Variants in CXADR observed in about 807,000 individuals in gnomAD.
The protein encoded by CXADR is coxsackievirus and adenovirus receptor.
Under a neutral mutation model 40.3 loss-of-function variants are expected in CXADR, and 20 were observed. The ratio of observed to expected loss-of-function variants is 0.50; its 90% CI spans 0.35 to 0.72. The LOEUF is 0.72. Ranked by LOEUF, CXADR falls within the 30% of genes least tolerant of loss-of-function variation. CXADR has a pLI of 0.01. For missense variants in CXADR, 332 were observed against 449.1 expected, an observed-to-expected ratio of 0.74 and a Z score of 2.36; for synonymous variants, 150 against 161.3, an observed-to-expected ratio of 0.93 and a Z score of 0.53.
chr21:17,535,201 C>G (rs914668200), intron 1 of CXADR, among the ~76,000 whole-genome samples: 1 of 152,138 alleles, frequency 6.6e-6, no homozygotes, highest in Non-Finnish European at 1.5e-5. Context: ...AGTCATGGCT[C>G]GTTGCAGCCT....
chr21:17,536,782 TG>T (rs2060764265), intron 1 of CXADR, among the ~76,000 whole-genome samples: 1 of 152,016 alleles, frequency 6.6e-6, no homozygotes, highest in Non-Finnish European at 1.5e-5. Flanking sequence ...TTTGAGACAG[TG>T]TCTCACTCTG....
At chr21:17,518,384 A>G in intron 1 of CXADR, 1 of 460,396 alleles carries the variant, frequency 2.2e-6, no homozygotes, top group Non-Finnish European at 4.0e-6. Context: ...AATGACAGAA[A>G]AATGCTGAAC....
intron 1 of CXADR, among the ~76,000 whole-genome samples, chr21:17,536,022 C>T (rs1350035564): frequency 1.3e-5 from 2 of 152,072 alleles, no homozygotes; most frequent in Admixed American, 1.3e-4. Flanking sequence ...ATAAAGAAAA[C>T]TCCTGTTTTT....
chr21:17,586,401 G>GTATATATA (rs71189554), intron 7 of CXADR, among the ~76,000 whole-genome samples: 13 of 145,384 alleles, frequency 8.9e-5, no homozygotes, highest in Admixed American at 2.8e-4. Context: ...TATATAATGT[G>GTATATATA]TATATATATA....
At chr21:17,543,566 T>A (rs2060856812) in intron 1 of CXADR, among the ~76,000 whole-genome samples, 1 of 152,212 alleles carries the variant, frequency 6.6e-6, no homozygotes, top group Non-Finnish European at 1.5e-5. Context: ...ATTTGAACTA[T>A]TTCTTGGTTT....
At chr21:17,535,707 A>G (rs1187293445) in intron 1 of CXADR, among the ~76,000 whole-genome samples, 3 of 152,132 alleles carry the variant, frequency 2.0e-5, no homozygotes, top group Non-Finnish European at 4.4e-5. Context: ...TGGAATATAA[A>G]TTTAAGTTCC....
chr21:17,528,600 G>T (rs1378639821), intron 1 of CXADR, among the ~76,000 whole-genome samples: 1 of 151,566 alleles, frequency 6.6e-6, no homozygotes, highest in South Asian at 2.1e-4. Flanking sequence ...TAGAGACGGG[G>T]TTTCTTCATG....
At chr21:17,576,518 A>G (rs2061323462) in intron 7 of CXADR, among the ~76,000 whole-genome samples, 1 of 152,158 alleles carries the variant, frequency 6.6e-6, no homozygotes, top group Non-Finnish European at 1.5e-5. Flanking sequence ...TTCTTGTATT[A>G]TACTAGTAAT....
intron 6 of CXADR, 59 bp from the exon 7 acceptor site, chr21:17,565,369 T>C: frequency 6.5e-7 from 1 of 1,549,900 alleles, no homozygotes; most frequent in Non-Finnish European, 8.8e-7. Flanking sequence ...ATAGCTTGCA[T>C]AATTGTAGGT....
At chr21:17,592,090 A>T (rs2061442382) in intron 7 of CXADR, among the ~76,000 whole-genome samples, 1 of 151,968 alleles carries the variant, frequency 6.6e-6, no homozygotes, top group African/African-American at 2.4e-5. Flanking sequence ...TTTCCCCAAG[A>T]GGCCCTGTCA....
At chr21:17,594,926 T>C (rs943192473), downstream of CXADR, among the ~76,000 whole-genome samples, 2 of 151,674 alleles carry the variant, frequency 1.3e-5, no homozygotes, top group African/African-American at 4.8e-5. Flanking sequence ...TGAAATAATA[T>C]GTACAACAAA....
chr21:17,536,232 A>G (rs74405693), intron 1 of CXADR, among the ~76,000 whole-genome samples: 2,415 of 152,300 alleles, frequency 0.016, 69 homozygotes, highest in African/African-American at 0.054. Context: ...TTTTCTTAAC[A>G]TACTTCTTTT....
chr21:17,532,425 G>A (rs1376828083), intron 1 of CXADR, among the ~76,000 whole-genome samples: 2 of 151,782 alleles, frequency 1.3e-5, no homozygotes, highest in African/African-American at 2.4e-5. Context: ...TCCCCTCATC[G>A]AGAACAAATT....
chr21:17,541,024 T>C (rs2123218488), intron 1 of CXADR, among the ~76,000 whole-genome samples: 1 of 152,126 alleles, frequency 6.6e-6, no homozygotes, highest in Non-Finnish European at 1.5e-5. Context: ...AAGTACAGAG[T>C]TCCCCTGTAC....
chr21:17,566,443 A>G lies in CXADR; in HGVS notation c.*751A>G. 1.0e-6 allele frequency: 1 copy of G among 985,328 alleles called. No homozygotes were observed. The highest frequency in any genetic ancestry group is 1.2e-6 in the Non-Finnish European group (1 of 829,944). 61.0% of individuals were successfully genotyped at this position (985,328 alleles called of 1,614,324 possible). A position where few individuals can be genotyped will look rare whatever the true frequency, so the allele number is the denominator to read the frequency against. On this transcript the variant is annotated 3_prime_UTR_variant, in exon 7 of 7. Transcript: ENST00000284878. The stretch of plus-strand genomic sequence containing the variant: ...ATATTGAGATGACACTAGGTGCAAT[A>G]GCAGGGATAGATTTTGTTGGTGAGT...
chr21:17,521,390 A>T (rs1373165927), intron 1 of CXADR, among the ~76,000 whole-genome samples: 1 of 151,930 alleles, frequency 6.6e-6, no homozygotes, highest in Non-Finnish European at 1.5e-5. Flanking sequence ...TGGCACGATC[A>T]CGGTTCACTA....
intron 1 of CXADR, among the ~76,000 whole-genome samples, chr21:17,521,234 G>GT (rs945317874): frequency 5.3e-5 from 8 of 152,172 alleles, no homozygotes; most frequent in African/African-American, 1.9e-4. Context: ...AGGCTAGTGG[G>GT]TTTTAGCACT....
intron 7 of CXADR, among the ~76,000 whole-genome samples, chr21:17,587,051 C>T (rs1235771589): frequency 6.6e-6 from 1 of 152,136 alleles, no homozygotes; most frequent in Admixed American, 6.5e-5. Context: ...ATCCATGTCC[C>T]TACAAAGGAC....
chr21:17,605,263 A>G, the CXADR span: 11 of 273,572 alleles, frequency 4.0e-5, no homozygotes, highest in Admixed American at 3.0e-4. Context: ...TTGACCACCC[A>G]TGTACATTAA....
Sources: gnomAD v4.1 joint callset for allele counts (sites outside exome capture counted in the v4.1 genomes callset) on GRCh38, gnomAD v4.1.1 for gene constraint, MANE v1.5 for transcripts, NCBI Gene and HGNC (gene_info 2026-07-23, HGNC 2026-07-21) for gene names.